The following GALNT7 variants were observed in gnomAD, a reference collection of about 807,000 sequenced individuals.
GALNT7 encodes the protein N-acetylgalactosaminyltransferase 7.
In GALNT7, 60 loss-of-function variants were observed where a neutral mutation model predicts 82.1. The ratio of observed to expected loss-of-function variants is 0.73; its 90% CI spans 0.59 to 0.91. GALNT7 has a LOEUF of 0.91. Among genes scored for constraint, GALNT7 ranks in the 40% least tolerant of loss-of-function variants. GALNT7 has a pLI of 0.00. For missense variants in GALNT7, 660 were observed against 804.2 expected, an observed-to-expected ratio of 0.82 and a Z score of 2.17; for synonymous variants, 243 against 275.1, an observed-to-expected ratio of 0.88 and a Z score of 1.15.
At chr4:173,206,036 G>A (rs1468227607) in intron 1 of GALNT7, among the ~76,000 whole-genome samples, 1 of 152,154 alleles carries the variant, frequency 6.6e-6, no homozygotes, top group African/African-American at 2.4e-5. Context: ...CCTGGAACCT[G>A]GAACCTCAGG....
At chr4:173,310,280 G>C (rs112635933) in intron 8 of GALNT7, among the ~76,000 whole-genome samples, 1 of 152,116 alleles carries the variant, frequency 6.6e-6, no homozygotes, top group African/African-American at 2.4e-5. Flanking sequence ...CTATTTGCCC[G>C]TGAATGAAAC....
intron 2 of GALNT7, among the ~76,000 whole-genome samples, chr4:173,282,224 A>G (rs1042970738): frequency 1.5e-4 from 23 of 152,110 alleles, no homozygotes; most frequent in Non-Finnish European, 2.5e-4. Context: ...TCTTTTCTGT[A>G]TAACTGTGGG....
At chr4:173,248,569 T>C (rs1448453963) in intron 2 of GALNT7, 129 bp downstream of exon 2, 2 of 643,944 alleles carry the variant, frequency 3.1e-6, no homozygotes. Flanking sequence ...AAGAGGATCT[T>C]TGAACAGCAA....
At chr4:173,169,103 C>A in intron 1 of GALNT7, 142 bp downstream of exon 1, 1 of 630,008 alleles carries the variant, frequency 1.6e-6, no homozygotes, top group Non-Finnish European at 2.3e-6. Flanking sequence ...GCAGCGCGGG[C>A]CGAGGGGGTG....
At chr4:173,289,313 G>A (rs915888948) in intron 2 of GALNT7, among the ~76,000 whole-genome samples, 8 of 152,184 alleles carry the variant, frequency 5.3e-5, no homozygotes, top group African/African-American at 1.2e-4. Context: ...GCACCATAAT[G>A]TAGCAGTTTC....
At chr4:173,245,840 TC>T (rs1017169899) in intron 1 of GALNT7, among the ~76,000 whole-genome samples, 1 of 152,166 alleles carries the variant, frequency 6.6e-6, no homozygotes, top group African/African-American at 2.4e-5. Flanking sequence ...CTTCAGTTCT[TC>T]CTGAATATGA....
At chr4:173,175,530 T>TA (rs1229802444) in intron 1 of GALNT7, among the ~76,000 whole-genome samples, 1 of 152,210 alleles carries the variant, frequency 6.6e-6, no homozygotes, top group Admixed American at 6.5e-5. Context: ...TGGGCTACAT[T>TA]AAAAGGTGGA....
At chr4:173,215,708 A>G (rs73870595) in intron 1 of GALNT7, among the ~76,000 whole-genome samples, 2,778 of 152,334 alleles carry the variant, frequency 0.018, 91 homozygotes, top group African/African-American at 0.064. Flanking sequence ...CAATAGAACC[A>G]TATAAAATCC....
chr4:173,187,251 A>G (rs1364250120), intron 1 of GALNT7, among the ~76,000 whole-genome samples: 1 of 152,156 alleles, frequency 6.6e-6, no homozygotes, highest in Admixed American at 6.5e-5. Context: ...AGTATAAATA[A>G]ACTCTGTGGA....
In GALNT7 at chr4:173,318,416, C is replaced by G. The variant is rs908179136; in HGVS notation, c.1708-15C>G. 1.3e-6 allele frequency: 2 copies of G among 1,594,630 alleles called. No homozygotes were observed. Among genetic ancestry groups the G allele is most frequent in the Non-Finnish European group, 1.7e-6 (2 of 1,171,912 alleles). Reference sequence around the variant, plus strand: ...AGGTGCCTCTGTTACTTAATTCTCTCTTTTCCTTTTACAGCTTTTCAGAAT... The same window carrying G: ...AGGTGCCTCTGTTACTTAATTCTCTGTTTTCCTTTTACAGCTTTTCAGAAT... On this transcript the variant is annotated splice_polypyrimidine_tract_variant and intron_variant, in intron 10 of 11. Coordinates refer to ENST00000265000, the MANE Select transcript of GALNT7 (RefSeq NM_017423.3).
chr4:173,295,946 C>A, intron 5 of GALNT7, 103 bp downstream of exon 5: 2 of 749,044 alleles, frequency 2.7e-6, no homozygotes, highest in South Asian at 1.4e-5. Flanking sequence ...TTCAGTGCAT[C>A]GAGTGTGCTT....
At chr4:173,250,153 G>A (rs991819483) in intron 2 of GALNT7, among the ~76,000 whole-genome samples, 1 of 152,054 alleles carries the variant, frequency 6.6e-6, no homozygotes, top group African/African-American at 2.4e-5. Context: ...ACTGTGAGTC[G>A]CCCCTAGGTG....
intron 1 of GALNT7, among the ~76,000 whole-genome samples, chr4:173,207,728 A>G (rs1449089829): frequency 6.6e-6 from 1 of 152,200 alleles, no homozygotes; most frequent in Non-Finnish European, 1.5e-5. Flanking sequence ...CCACAGGGTC[A>G]TGATTTCTTT....
At chr4:173,187,261 A>G (rs550380697) in intron 1 of GALNT7, among the ~76,000 whole-genome samples, 1 of 152,002 alleles carries the variant, frequency 6.6e-6, no homozygotes, top group East Asian at 1.9e-4. Context: ...AACTCTGTGG[A>G]TTGCTTTTTT....
chr4:173,183,741 G>T (rs1342163107), intron 1 of GALNT7, among the ~76,000 whole-genome samples: 1 of 141,298 alleles, frequency 7.1e-6, no homozygotes, highest in Non-Finnish European at 1.5e-5. Flanking sequence ...GGCGGGGTCT[G>T]CCCCCCACCT....
chr4:173,233,041 C>T (rs1355824119), intron 1 of GALNT7, among the ~76,000 whole-genome samples: 2 of 152,214 alleles, frequency 1.3e-5, no homozygotes, highest in Non-Finnish European at 2.9e-5. Context: ...ACCTTCACTT[C>T]CATCCATGTT....
At chr4:173,318,323 A>G (rs1737677923) in intron 10 of GALNT7, 108 bp from the exon 11 acceptor site, 3 of 790,100 alleles carry the variant, frequency 3.8e-6, no homozygotes, top group Non-Finnish European at 6.1e-6. Flanking sequence ...TTATGGAAAA[A>G]TAAGTTAGTC....
At chr4:173,231,471 CA>C (rs929625168) in intron 1 of GALNT7, among the ~76,000 whole-genome samples, 1 of 152,122 alleles carries the variant, frequency 6.6e-6, no homozygotes, top group Non-Finnish European at 1.5e-5. Context: ...GATCAGGAGT[CA>C]CAGGCCAGGG....
At chr4:173,227,582 C>T (rs973497198) in intron 1 of GALNT7, among the ~76,000 whole-genome samples, 5 of 152,178 alleles carry the variant, frequency 3.3e-5, no homozygotes, top group African/African-American at 4.8e-5. Context: ...CCACCCACTT[C>T]GGCCTCCCAA....
Sources: gnomAD v4.1 joint callset for allele counts (sites outside exome capture counted in the v4.1 genomes callset) on GRCh38, gnomAD v4.1.1 for gene constraint, MANE v1.5 for transcripts, NCBI Gene and HGNC (gene_info 2026-07-23, HGNC 2026-07-21) for gene names.